The following RNF20 variants were observed in gnomAD, a reference collection of about 807,000 sequenced individuals.
RNF20 encodes the protein E3 ubiquitin-protein ligase BRE1A.
RNF20 carries 84 observed loss-of-function variants against 126.2 expected under a neutral mutation model. The observed-to-expected ratio is 0.67, with a 90% CI of 0.56 to 0.80. RNF20 has a LOEUF of 0.80. RNF20 is among the 30% of genes least tolerant of loss of function. The pLI is 0.00. For synonymous variants in RNF20, 400 were observed against 414.3 expected (o/e 0.97, Z 0.42); for missense variants, 869 against 1,188.2 (o/e 0.73, Z 3.95).
chr9:101,559,081 G>A (rs569492292), intron 16 of RNF20, among the ~76,000 whole-genome samples: 4 of 152,138 alleles, frequency 2.6e-5, no homozygotes, highest in Non-Finnish European at 5.9e-5. Context: ...TTTGTATAGG[G>A]TGAGAGATGA....
intron 9 of RNF20, among the ~76,000 whole-genome samples, chr9:101,549,093 G>A (rs1054432881): frequency 6.6e-6 from 1 of 152,220 alleles, no homozygotes; most frequent in Non-Finnish European, 1.5e-5. Flanking sequence ...AGAGAGTGTA[G>A]AAATAAAGAC....
At position 101,536,006 on chromosome 9, in the gene RNF20, T is replaced by C. The variant is rs572988779; in HGVS notation, c.129+454T>C. 5.6e-4 allele frequency among the ~76,000 whole-genome samples: 86 copies of C among 152,348 alleles called. 1 individual carries two copies. Among genetic ancestry groups the C allele is most frequent in the African/African-American group, 2.0e-3 (82 of 41,578 alleles). ...TGTGTTATCCTTCCTTTGCCTGTTT[T>C]CTTGTCTGTAAAATGTAATTAGAGT... On this transcript the variant is annotated intron_variant, in intron 2 of 19. Transcript: ENST00000389120.
At position 101,562,533 on chromosome 9, in the gene RNF20, A is replaced by G. The variant is rs2118750804; in HGVS notation, c.*111A>G. The G allele has an allele frequency of 4.9e-6, 5 of 1,018,224 alleles. No individual in the cohort carries two copies. The highest frequency in any genetic ancestry group is 2.8e-5 in the Admixed American group (1 of 36,240). The allele number at this position is 1,018,224 out of a possible 1,614,324, so 63.1% of individuals were successfully genotyped here. On this transcript the variant is annotated 3_prime_UTR_variant, in exon 20 of 20. Coordinates refer to ENST00000389120, the MANE Select transcript of RNF20 (RefSeq NM_019592.7). ...CACCTGTAGGACAGTTTATCAGTCA[A>G]CTACCTTTCCTCCAGACTTTACTTC...
intron 10 of RNF20, 116 bp from the exon 11 acceptor site, chr9:101,551,568 A>G: frequency 2.2e-6 from 1 of 454,454 alleles, no homozygotes. Flanking sequence ...TTTTGTAGAT[A>G]TCTGGTTTCA....
intron 9 of RNF20, among the ~76,000 whole-genome samples, chr9:101,549,334 AG>A (rs1827404821): frequency 6.6e-6 from 1 of 152,174 alleles, no homozygotes; most frequent in Non-Finnish European, 1.5e-5. Flanking sequence ...GCATAGAGAG[AG>A]AGGAGACAGA....
rs1379107026 is a variant in RNF20 at position 101,557,526 on chromosome 9, A to G, written c.2312A>G (p.Asn771Ser). 1.9e-6 allele frequency: 3 copies of G among 1,613,932 alleles called. No homozygotes were observed. Among genetic ancestry groups the G allele is most frequent in the Non-Finnish European group, 2.5e-6 (3 of 1,179,934 alleles). ...CTCATGTCAGAGCGTATCAAGTCCA[A>G]TCAGATCCATAAGTTGCTTAAAGAA... Reference protein sequence around the residue: ...FKLMSERIKSNQIHKLLKEEK... With the variant: ...FKLMSERIKSSQIHKLLKEEK... Residue 771 changes from asparagine to serine, a missense_variant, in exon 16 of 20, where the codon AAT (asparagine) becomes AGT (serine). Coordinates refer to ENST00000389120, the MANE Select transcript of RNF20 (RefSeq NM_019592.7).
Position 101,540,503 on chromosome 9 carries a change from T to C in RNF20, c.311T>C (p.Ile104Thr), listed in dbSNP as rs1827243934. Reference protein sequence around the residue: ...NRYWSQFDENIRIILKRYDLE... With the variant: ...NRYWSQFDENTRIILKRYDLE... Reference sequence around the variant, plus strand: ...ACCCTTCTCCAGTTTGATGAAAACATCCGTATCATCCTTAAACGTTATGAT... The same window carrying C: ...ACCCTTCTCCAGTTTGATGAAAACACCCGTATCATCCTTAAACGTTATGAT... The change falls in exon 4 of 20, where the codon ATC (isoleucine) becomes ACC (threonine). Residue 104 changes from isoleucine (I) to threonine (T), a missense_variant. Physicochemically the swap from Ile to Thr is moderately conservative, Grantham distance 89. This residue lies in a region of RNF20 where 157 missense variants were observed against 236.0 expected (regional missense o/e 0.67). Transcript: ENST00000389120. 1 of 1,613,962 alleles carries C rather than the reference T, an allele frequency of 6.2e-7. No homozygotes were observed. Among genetic ancestry groups the C allele is most frequent in the Non-Finnish European group, 8.5e-7 (1 of 1,179,976 alleles).
chr9:101,547,323 A>G, intron 8 of RNF20, 76 bp from the exon 9 acceptor site: 1 of 1,605,624 alleles, frequency 6.2e-7, no homozygotes, highest in Admixed American at 1.7e-5. Flanking sequence ...GGAATAGCGA[A>G]TCAGTGAAGA....
chr9:101,540,591 A>G lies in RNF20; in HGVS notation c.399A>G (p.Glu133=), dbSNP rs1827245624. The change falls in exon 4 of 20, where the codon GAA becomes GAG. Residue 133 remains glutamate (E), a synonymous_variant. Coordinates refer to ENST00000389120, the MANE Select transcript of RNF20 (RefSeq NM_019592.7). ...ERKALVVPEP[E]PDSDSNQERK... is the part of the protein sequence containing the mutation. Reference sequence around the variant, plus strand: ...AAGCCCTTGTTGTGCCTGAACCAGAACCAGACTCTGATAGCAATCAGGAGC... The same window carrying G: ...AAGCCCTTGTTGTGCCTGAACCAGAGCCAGACTCTGATAGCAATCAGGAGC... The G allele has an allele frequency of 7.4e-6, 12 of 1,614,158 alleles. No homozygotes were observed. The highest frequency in any genetic ancestry group is 1.0e-5 in the Non-Finnish European group (12 of 1,180,026).
chr9:101,540,321 AG>A lies in RNF20; in HGVS notation c.250del (p.Ala84ProfsTer8). The A allele has an allele frequency of 6.2e-7, 1 of 1,614,200 alleles. No homozygotes were observed. The highest frequency in any genetic ancestry group is 8.5e-7 in the Non-Finnish European group (1 of 1,180,036). Reference protein sequence around the residue: ...REHIEKLERRQATDDASLLIV... With the variant: ...REHIEKLERRXATDDASLLIV... ...CACATTGAAAAACTGGAACGACGAC[AG>A]GCCACTGATGATGCCTCACTATTGA... On this transcript the variant is annotated frameshift_variant, in exon 3 of 20. Transcript: ENST00000389120. LOFTEE classifies it high-confidence loss of function.
intron 2 of RNF20, among the ~76,000 whole-genome samples, chr9:101,538,439 G>A (rs1405657294): frequency 1.3e-5 from 2 of 152,176 alleles, no homozygotes; most frequent in African/African-American, 4.8e-5. Context: ...AGGTGGTATA[G>A]GCTAATGGCA....
Position 101,554,096 on chromosome 9 carries a change from T to G in RNF20, c.2010T>G (p.Ser670=). Residue 670 remains serine (S), a synonymous_variant, in exon 14 of 20, where the codon TCT becomes TCG. Coordinates refer to ENST00000389120, the MANE Select transcript of RNF20 (RefSeq NM_019592.7). ...KVQLMAAEKK[S]KAELEDLRQR... ...AGCTGATGGCAGCTGAGAAGAAGTC[T>G]AAGGCAGAGGTATTCTAGTCTGCTA... 3 of 1,597,936 alleles carry G rather than the reference T, an allele frequency of 1.9e-6. No homozygotes were observed. The highest frequency in any genetic ancestry group is 2.6e-6 in the Non-Finnish European group (3 of 1,165,418).
chr9:101,547,907 A>G (rs1426795257), intron 9 of RNF20, among the ~76,000 whole-genome samples: 7 of 152,258 alleles, frequency 4.6e-5, no homozygotes, highest in Non-Finnish European at 1.0e-4. Flanking sequence ...ATGACTTTAT[A>G]TATAGAAAAC....
rs1252328073 is a variant in RNF20, at chr9:101,540,521, G to A, written c.329G>A (p.Arg110His). ...FDENIRIILK[R>H]YDLEQGLGDL... The stretch of plus-strand genomic sequence containing the variant: ...GAAAACATCCGTATCATCCTTAAAC[G>A]TTATGATCTGGAGCAGGGCTTGGGA... Residue 110 changes from arginine to histidine, a missense_variant, in exon 4 of 20, where the codon CGT (arginine) becomes CAT (histidine). This residue lies in a region of RNF20 where 157 missense variants were observed against 236.0 expected (regional missense o/e 0.67). Coordinates refer to ENST00000389120, the MANE Select transcript of RNF20 (RefSeq NM_019592.7). The A allele has an allele frequency of 5.6e-6, 9 of 1,613,648 alleles. No individual in the cohort carries two copies. Among genetic ancestry groups the A allele is most frequent in the South Asian group, 4.4e-5 (4 of 91,072 alleles).
chr9:101,539,566 A>G (rs759124303), intron 2 of RNF20, among the ~76,000 whole-genome samples: 2 of 152,210 alleles, frequency 1.3e-5, no homozygotes, highest in Non-Finnish European at 2.9e-5. Context: ...ATATTGGGTT[A>G]AGGGCATGAG....
At chr9:101,557,617 T>C in intron 16 of RNF20, 21 bp downstream of exon 16, 1 of 1,547,306 alleles carries the variant, frequency 6.5e-7, no homozygotes, top group Non-Finnish European at 8.9e-7. Context: ...TGAGTAGAGC[T>C]TTCTATTCTG....
rs140563572 is a variant in RNF20 at position 101,557,367 on chromosome 9, C to G, written c.2170-17C>G. On this transcript the variant is annotated splice_polypyrimidine_tract_variant and intron_variant, in intron 15 of 19. Transcript: ENST00000389120. ...GGAAGATTCTTCTAAAATCAAATCT[C>G]TTCCTTCATCCTTTAGGAAGAAGAA... is the stretch of plus-strand genomic sequence containing the variant. 98 of 1,590,300 alleles carry G rather than the reference C, an allele frequency of 6.2e-5. No homozygotes were observed. Among genetic ancestry groups the G allele is most frequent in the Non-Finnish European group, 8.2e-5 (95 of 1,159,574 alleles).
chr9:101,540,947 G>C lies in RNF20; in HGVS notation c.600G>C (p.Glu200Asp). 1.2e-6 allele frequency: 2 copies of C among 1,614,130 alleles called. No homozygotes were observed. Among genetic ancestry groups the C allele is most frequent in the African/African-American group, 1.3e-5 (1 of 75,052 alleles). The change falls in exon 5 of 20, where the codon GAG becomes GAC. Residue 200 changes from glutamate to aspartate, a missense_variant. Coordinates refer to ENST00000389120, the MANE Select transcript of RNF20 (RefSeq NM_019592.7). ...TVYDKLQEKV[E>D]LLSRKLNSGD... ...ATGATAAATTGCAAGAAAAAGTGGA[G>C]CTCTTATCCCGGAAGCTAAACAGTG...
intron 16 of RNF20, among the ~76,000 whole-genome samples, chr9:101,560,250 A>C (rs1359391644): frequency 6.6e-6 from 1 of 152,158 alleles, no homozygotes; most frequent in Non-Finnish European, 1.5e-5. Context: ...TGTGAGACCC[A>C]CTTGATCATG....
Sources: allele counts gnomAD v4.1 joint callset (sites outside exome capture counted in the v4.1 genomes callset), GRCh38; gene constraint gnomAD v4.1.1; regional missense constraint gnomAD v4.1.1; transcripts MANE v1.5; gene names NCBI Gene and HGNC (gene_info 2026-07-23, HGNC 2026-07-21).